The following LRP1B variants were observed in gnomAD, a reference collection of about 807,000 sequenced individuals.
LRP1B encodes low-density lipoprotein receptor-related protein 1B.
Under a neutral mutation model 556.6 loss-of-function variants are expected in LRP1B, and 217 were observed. The ratio of observed to expected loss-of-function variants is 0.39; its 90% CI spans 0.35 to 0.44. The LOEUF is 0.44. LRP1B is among the 20% of genes least tolerant of loss of function. The pLI, the probability that LRP1B is intolerant of heterozygous loss-of-function variation, is 1.00. For missense variants in LRP1B, 5,053 were observed against 5,620.8 expected, an observed-to-expected ratio of 0.90 and a Z score of 3.23; for synonymous variants, 2,047 against 1,865.8, an observed-to-expected ratio of 1.10 and a Z score of -2.50.
intron 51 of LRP1B, among the ~76,000 whole-genome samples, 191 bp from the exon 52 acceptor site, chr2:140,510,247 T>A (rs1049893645): frequency 3.3e-5 from 5 of 152,164 alleles, no homozygotes; most frequent in Non-Finnish European, 1.5e-5. Context: ...AAGAAGGCAT[T>A]CTTTCCTAGC....
chr2:140,376,442 T>G (rs576098803), intron 68 of LRP1B, among the ~76,000 whole-genome samples: 1 of 152,296 alleles, frequency 6.6e-6, no homozygotes, highest in Admixed American at 6.5e-5. Context: ...AGCCAAGATA[T>G]TTTCATGGAT....
intron 3 of LRP1B, among the ~76,000 whole-genome samples, chr2:141,313,364 A>G (rs939508810): frequency 6.6e-6 from 1 of 152,144 alleles, no homozygotes; most frequent in Non-Finnish European, 1.5e-5. Context: ...TAAAAAAAGA[A>G]AAAAAAACAC....
chr2:141,987,360 T>C (rs1186865230), intron 1 of LRP1B, among the ~76,000 whole-genome samples: 1 of 151,912 alleles, frequency 6.6e-6, no homozygotes, highest in Non-Finnish European at 1.5e-5. Flanking sequence ...GTTACCTTTT[T>C]TGCATCTTAA....
chr2:141,054,132 C>T (rs1478632446), intron 10 of LRP1B, among the ~76,000 whole-genome samples: 1 of 151,986 alleles, frequency 6.6e-6, no homozygotes, highest in Non-Finnish European at 1.5e-5. Context: ...CTATTAGTAG[C>T]TCTAACCATT....
At chr2:140,809,740 TG>T (rs1690851858) in intron 32 of LRP1B, among the ~76,000 whole-genome samples, 2 of 152,066 alleles carry the variant, frequency 1.3e-5, no homozygotes, top group Non-Finnish European at 2.9e-5. Flanking sequence ...GCCATGTGGG[TG>T]GTTCTGGTTT....
intron 3 of LRP1B, among the ~76,000 whole-genome samples, chr2:141,296,069 A>T (rs1017408560): frequency 1.3e-5 from 2 of 152,198 alleles, no homozygotes; most frequent in African/African-American, 2.4e-5. Flanking sequence ...ACTTTGTCCC[A>T]GGTTCTTCCC....
At chr2:140,713,453 T>C (rs1412923010) in intron 37 of LRP1B, among the ~76,000 whole-genome samples, 1 of 152,028 alleles carries the variant, frequency 6.6e-6, no homozygotes, top group Non-Finnish European at 1.5e-5. Context: ...TCCACAGGGA[T>C]GATAAATTAC....
At chr2:141,949,811 CTCTGT>C (rs1379691508) in intron 1 of LRP1B, among the ~76,000 whole-genome samples, 3 of 152,142 alleles carry the variant, frequency 2.0e-5, no homozygotes, top group African/African-American at 7.2e-5. Context: ...CACTTCTTTG[CTCTGT>C]TCTATCTTTC....
intron 41 of LRP1B, among the ~76,000 whole-genome samples, chr2:140,613,439 A>G (rs1016046761): frequency 6.9e-6 from 1 of 145,556 alleles, no homozygotes; most frequent in East Asian, 1.9e-4. Context: ...AATTATATAC[A>G]TATAAATATA....
chr2:141,157,855 G>A (rs1437956641), intron 7 of LRP1B, among the ~76,000 whole-genome samples: 1 of 152,038 alleles, frequency 6.6e-6, no homozygotes, highest in African/African-American at 2.4e-5. Flanking sequence ...AACCCTCATT[G>A]GTGTAATTTG....
At chr2:142,121,278 A>C (rs115216763) in intron 1 of LRP1B, among the ~76,000 whole-genome samples, 310 of 152,248 alleles carry the variant, frequency 2.0e-3, no homozygotes, top group African/African-American at 7.0e-3. Context: ...CAGACCAAGC[A>C]TGATCTCTTT....
intron 1 of LRP1B, among the ~76,000 whole-genome samples, chr2:141,903,725 CAA>C (rs1699684135): frequency 6.6e-6 from 1 of 151,844 alleles, no homozygotes; most frequent in African/African-American, 2.4e-5. Context: ...TTCTTGCCTA[CAA>C]AGAGTTTACA....
chr2:140,464,827 G>T (rs970434536), intron 60 of LRP1B, among the ~76,000 whole-genome samples: 1 of 152,114 alleles, frequency 6.6e-6, no homozygotes, highest in African/African-American at 2.4e-5. Flanking sequence ...CCTTTGAAAA[G>T]CATTTGCCTC....
chr2:141,782,514 C>CTTTTTTTTTTTTTTT (rs5834867), intron 2 of LRP1B, among the ~76,000 whole-genome samples: 2 of 97,862 alleles, frequency 2.0e-5, no homozygotes, highest in African/African-American at 8.8e-5. Context: ...TTCTATTTTC[C>CTTTTTTTTTTTTTTT]TTTTTTTTTT....
At chr2:141,848,781 G>A (rs1460772511) in intron 1 of LRP1B, among the ~76,000 whole-genome samples, 1 of 151,384 alleles carries the variant, frequency 6.6e-6, no homozygotes, top group Non-Finnish European at 1.5e-5. Context: ...ATGTGATTGA[G>A]ATTTAAAAAA....
intron 7 of LRP1B, among the ~76,000 whole-genome samples, chr2:141,166,042 T>C (rs1408208628): frequency 6.6e-6 from 1 of 151,910 alleles, no homozygotes; most frequent in Non-Finnish European, 1.5e-5. Context: ...TGAAAGAGGC[T>C]CCCCACTAAT....
At chr2:141,902,723 G>A (rs1699655485) in intron 1 of LRP1B, among the ~76,000 whole-genome samples, 1 of 66,600 alleles carries the variant, frequency 1.5e-5, no homozygotes, top group Non-Finnish European at 4.0e-5. Context: ...CTTATTGAGT[G>A]ACTGAGAGTT....
intron 35 of LRP1B, among the ~76,000 whole-genome samples, chr2:140,719,485 A>G (rs1444900602): frequency 6.6e-6 from 1 of 152,066 alleles, no homozygotes; most frequent in Non-Finnish European, 1.5e-5. Context: ...ATTTTAGTCA[A>G]TATATAATCA....
At chr2:141,677,212 T>C (rs1690916530) in intron 2 of LRP1B, among the ~76,000 whole-genome samples, 1 of 152,068 alleles carries the variant, frequency 6.6e-6, no homozygotes, top group Non-Finnish European at 1.5e-5. Flanking sequence ...AACAATGAAA[T>C]TTGTTTCAAA....
Sources: gnomAD v4.1 joint callset for allele counts (sites outside exome capture counted in the v4.1 genomes callset) on GRCh38, gnomAD v4.1.1 for gene constraint, MANE v1.5 for transcripts, NCBI Gene and HGNC (gene_info 2026-07-23, HGNC 2026-07-21) for gene names.